Variants in DTL observed in about 807,000 individuals in gnomAD.
The protein encoded by DTL is denticleless protein homolog.
Under a neutral mutation model 87.0 loss-of-function variants are expected in DTL, and 46 were observed. The observed-to-expected ratio is 0.53, with a 90% CI of 0.42 to 0.68. The LOEUF (loss-of-function observed/expected upper bound fraction) is 0.68. DTL is among the 30% of genes least tolerant of loss of function. The pLI, the probability that DTL is intolerant of heterozygous loss-of-function variation, is 0.00. For missense variants in DTL, 737 were observed against 869.4 expected, an observed-to-expected ratio of 0.85 and a Z score of 1.91; for synonymous variants, 308 against 311.2, an observed-to-expected ratio of 0.99 and a Z score of 0.11.
chr1:212,103,213 C>G lies in DTL; in HGVS notation c.*273C>G. 4.9e-6 allele frequency: 1 copy of G among 202,282 alleles called. No homozygotes were observed. Among genetic ancestry groups the G allele is most frequent in the Non-Finnish European group, 9.9e-6 (1 of 101,322 alleles). 12.5% of individuals were successfully genotyped at this position (202,282 alleles called of 1,614,324 possible). On this transcript the variant is annotated 3_prime_UTR_variant, in exon 15 of 15. Coordinates refer to ENST00000366991, the MANE Select transcript of DTL (RefSeq NM_016448.4). ...TAGCATTTTGAATGAATAGTCTTCACTTTTTAAATTATTCATCTTCTCTAT... is the reference window on the plus strand; with the variant it reads ...TAGCATTTTGAATGAATAGTCTTCAGTTTTTAAATTATTCATCTTCTCTAT...
chr1:212,043,439 A>G (rs958801592), intron 2 of DTL, among the ~76,000 whole-genome samples: 3 of 152,182 alleles, frequency 2.0e-5, no homozygotes, highest in African/African-American at 7.2e-5. Context: ...ATCTGGTTGA[A>G]TGTATCTTTC....
At chr1:212,080,835 T>A in intron 13 of DTL, 85 bp downstream of exon 13, 2 of 1,406,552 alleles carry the variant, frequency 1.4e-6, no homozygotes, top group Non-Finnish European at 1.9e-6. Context: ...GATTTGATCT[T>A]GCTTTGGTAT....
intron 10 of DTL, among the ~76,000 whole-genome samples, chr1:212,071,738 G>A (rs1571963613): frequency 6.6e-6 from 1 of 152,060 alleles, no homozygotes; most frequent in Non-Finnish European, 1.5e-5. Flanking sequence ...ATTATGCAGT[G>A]GAAAAAATCC....
chr1:212,047,457 T>C, intron 5 of DTL, 40 bp downstream of exon 5: 1 of 1,611,620 alleles, frequency 6.2e-7, no homozygotes, highest in Non-Finnish European at 8.5e-7. Context: ...CTTAACCTTC[T>C]TTGCAGTTGG....
chr1:212,044,704 T>C lies in DTL; in HGVS notation c.223T>C (p.Phe75Leu). The C allele has an allele frequency of 6.2e-7, 1 of 1,613,636 alleles. No individual in the cohort carries two copies. The highest frequency in any genetic ancestry group is 1.1e-5 in the South Asian group (1 of 90,986). The change falls in exon 3 of 15, where the codon TTT becomes CTT. Residue 75 changes from phenylalanine (F) to leucine (L), a missense_variant. Physicochemically the swap from Phe to Leu is conservative, Grantham distance 22. Coordinates refer to ENST00000366991, the MANE Select transcript of DTL (RefSeq NM_016448.4). ...ACTAGCAGTTGCCAATGAAGAAGGC[T>C]TTGTTCGATTGTATAACACAGAATC... ...HVLAVANEEG[F>L]VRLYNTESQS...
At chr1:212,068,751 C>CT (rs748367165) in intron 10 of DTL, 48 bp downstream of exon 10, 6 of 1,221,082 alleles carry the variant, frequency 4.9e-6, no homozygotes, top group Non-Finnish European at 5.9e-6. Flanking sequence ...GCATTATGGG[C>CT]TTTTTTTGGT....
intron 6 of DTL, 136 bp downstream of exon 6, chr1:212,063,085 A>G (rs545508580): frequency 1.6e-4 from 109 of 668,472 alleles, no homozygotes; most frequent in Non-Finnish European, 2.8e-4. Flanking sequence ...TCACTGTTCC[A>G]GATCTCAGGA....
At chr1:212,069,735 A>G (rs1654616567) in intron 10 of DTL, among the ~76,000 whole-genome samples, 1 of 151,694 alleles carries the variant, frequency 6.6e-6, no homozygotes, top group Admixed American at 6.6e-5. Flanking sequence ...TAGTAAAGGC[A>G]GGGTTTCACC....
chr1:212,073,855 G>A (rs1157552277), intron 11 of DTL, among the ~76,000 whole-genome samples: 2 of 151,588 alleles, frequency 1.3e-5, no homozygotes, highest in African/African-American at 4.8e-5. Context: ...ATGTTATGTC[G>A]CTGGCACTAA....
Position 212,044,723 on chromosome 1 carries a change from C to A in DTL, c.242C>A (p.Thr81Lys). Residue 81 changes from threonine to lysine, a missense_variant, in exon 3 of 15, where the codon ACA (threonine) becomes AAA (lysine). By Grantham distance (78) the Thr-to-Lys change is moderately conservative. Transcript: ENST00000366991. ...GAAGGCTTTGTTCGATTGTATAACA[C>A]AGAATCACAAAGTTTCAGAAAGAAG... ...NEEGFVRLYN[T>K]ESQSFRKKCF... 6.2e-7 allele frequency: 1 copy of A among 1,613,000 alleles called. No homozygotes were observed. Among genetic ancestry groups the A allele is most frequent in the Non-Finnish European group, 8.5e-7 (1 of 1,179,342 alleles).
chr1:212,085,478 A>G (rs1655106212), intron 13 of DTL, among the ~76,000 whole-genome samples: 1 of 152,164 alleles, frequency 6.6e-6, no homozygotes, highest in African/African-American at 2.4e-5. Context: ...TCTTCTGCCC[A>G]TATTCTAATT....
intron 5 of DTL, among the ~76,000 whole-genome samples, chr1:212,062,370 A>G (rs548981820): frequency 2.0e-5 from 3 of 152,248 alleles, no homozygotes; most frequent in African/African-American, 7.2e-5. Context: ...CCTCTTTAAC[A>G]AACTTCATAT....
intron 3 of DTL, 136 bp from the exon 4 acceptor site, chr1:212,047,014 GT>G: frequency 2.7e-6 from 2 of 733,524 alleles, no homozygotes; most frequent in East Asian, 2.7e-5. Context: ...TCTCATTGTG[GT>G]TTTGATTTGC....
intron 7 of DTL, 90 bp from the exon 8 acceptor site, chr1:212,066,722 G>A (rs1654516809): frequency 9.3e-7 from 1 of 1,071,892 alleles, no homozygotes; most frequent in Admixed American, 1.9e-5. Context: ...GTCAGTCTGG[G>A]GAGAAAAGTC....
chr1:212,069,237 ACCC>A (rs1280311559), intron 10 of DTL, among the ~76,000 whole-genome samples: 4 of 151,876 alleles, frequency 2.6e-5, no homozygotes. Context: ...TAAAAAGAAA[ACCC>A]AAGTTTCTCA....
chr1:212,086,146 A>G (rs1180060580), intron 13 of DTL, among the ~76,000 whole-genome samples: 1 of 152,170 alleles, frequency 6.6e-6, no homozygotes, highest in Admixed American at 6.5e-5. Context: ...TGTTTGCAAA[A>G]TAGCCAGCTA....
rs371032242 is a variant in DTL, at chr1:212,100,397, T to G, written c.1407T>G (p.Ile469Met). ...PLPSNTPTFS[I>M]KTSPAKARSP... is the part of the protein sequence containing the mutation. ...CTTCAAATACTCCTACGTTCTCTAT[T>G]AAAACCTCTCCTGCCAAGGCCCGGT... Residue 469 changes from isoleucine (I) to methionine (M), a missense_variant, in exon 14 of 15, where the codon ATT becomes ATG. Ile to Met is a conservative substitution (Grantham distance 10). Transcript: ENST00000366991. 5 of 1,613,840 alleles carry G rather than the reference T, an allele frequency of 3.1e-6. No individual in the cohort carries two copies. In the African/African-American group the frequency reaches 6.7e-5, roughly 22 times the overall value.
chr1:212,047,117 T>C (rs760974018), intron 3 of DTL, 34 bp from the exon 4 acceptor site: 6 of 1,597,062 alleles, frequency 3.8e-6, no homozygotes, highest in South Asian at 1.1e-5. Flanking sequence ...GAATACAATT[T>C]AGACATTTCA....
At chr1:212,052,613 C>T (rs1394051332) in intron 5 of DTL, among the ~76,000 whole-genome samples, 1 of 143,994 alleles carries the variant, frequency 6.9e-6, no homozygotes, top group Non-Finnish European at 1.5e-5. Flanking sequence ...CTCCACACTC[C>T]AGCCTGGGCA....
Sources: allele counts gnomAD v4.1 joint callset (sites outside exome capture counted in the v4.1 genomes callset), GRCh38; gene constraint gnomAD v4.1.1; transcripts MANE v1.5; gene names NCBI Gene and HGNC (gene_info 2026-07-23, HGNC 2026-07-21).